Variants in IFNAR2 observed in about 807,000 individuals in gnomAD.
IFNAR2 encodes the protein interferon alpha and beta receptor subunit 2, also known as interferon alpha/beta receptor 2.
A neutral mutation model predicts 49.4 loss-of-function variants in IFNAR2; 30 were observed. That is an observed-to-expected ratio of 0.61 (90% CI 0.45 to 0.82). The LOEUF is 0.82. IFNAR2 is among the 40% of genes least tolerant of loss of function. IFNAR2 has a pLI of 0.00. For missense variants in IFNAR2, 600 were observed against 622.7 expected, an observed-to-expected ratio of 0.96 and a Z score of 0.39; for synonymous variants, 224 against 234.5, an observed-to-expected ratio of 0.96 and a Z score of 0.41.
In IFNAR2 at chr21:33,248,738, G is replaced by GT. The variant is rs749580071; in HGVS notation, c.426dup (p.Gly143TrpfsTer7). On this transcript the variant is annotated frameshift_variant, in exon 6 of 9. Transcript: ENST00000342136. LOFTEE classifies it high-confidence loss of function. ...TTTTGAACCACCAGAGTTTGAGATTGTTGGTTTTACCAACCACATTAATGT... is the reference window on the plus strand; with the variant it reads ...TTTTGAACCACCAGAGTTTGAGATTGTTTGGTTTTACCAACCACATTAATGT... The GT allele has an allele frequency of 6.2e-7, 1 of 1,609,710 alleles. No homozygotes were observed. The highest frequency in any genetic ancestry group is 8.5e-7 in the Non-Finnish European group (1 of 1,178,550).
In IFNAR2 at chr21:33,229,949, C is replaced by G; in HGVS notation, c.-351C>G. 1.0e-5 allele frequency: 10 copies of G among 983,842 alleles called. No individual in the cohort carries two copies. Among genetic ancestry groups the G allele is most frequent in the South Asian group, 4.7e-5 (1 of 21,450 alleles). 60.9% of individuals were successfully genotyped at this position (983,842 alleles called of 1,614,324 possible). A position where few individuals can be genotyped will look rare whatever the true frequency, so the allele number is the denominator to read the frequency against. Reference sequence around the variant, plus strand: ...GCGCCCGCGCTTCCGTATCGCTCCTCGTAGGCCGGGGCTCGGCGCGCGCAC... The same window carrying G: ...GCGCCCGCGCTTCCGTATCGCTCCTGGTAGGCCGGGGCTCGGCGCGCGCAC... On this transcript the variant is annotated 5_prime_UTR_variant, in exon 1 of 9. Coordinates refer to ENST00000342136, the MANE Select transcript of IFNAR2 (RefSeq NM_001289125.3).
rs776739210 is a variant in IFNAR2 at position 33,245,034 on chromosome 21, A to G, written c.181A>G (p.Ile61Val). Residue 61 changes from isoleucine (I) to valine (V), a missense_variant, in exon 4 of 9, where the codon ATT (isoleucine) becomes GTT (valine). Physicochemically the swap from Ile to Val is conservative, Grantham distance 29. Coordinates refer to ENST00000342136, the MANE Select transcript of IFNAR2 (RefSeq NM_001289125.3). ...ILSWELKNHS[I>V]VPTHYTLLYT... ...ATCATGGGAATTAAAAAACCACTCC[A>G]TTGTACCAACTCACTATACATTGCT... 4.3e-6 allele frequency: 7 copies of G among 1,611,162 alleles called. No homozygotes were observed. The highest frequency in any genetic ancestry group is 1.1e-5 in the South Asian group (1 of 91,028).
At chr21:33,254,349 C>A (rs2834166) in intron 7 of IFNAR2, among the ~76,000 whole-genome samples, 45,449 of 152,010 alleles carry the variant, frequency 0.3, 7,362 homozygotes, top group Non-Finnish European at 0.35. Context: ...AGCACTAATA[C>A]CAGCATGATG....
At chr21:33,240,251 T>G (rs536313148) in intron 1 of IFNAR2, among the ~76,000 whole-genome samples, 16 of 152,372 alleles carry the variant, frequency 1.1e-4, no homozygotes, top group African/African-American at 2.6e-4. Context: ...ACTGTACCTT[T>G]TCTGTGTCTA....
chr21:33,239,074 G>A (rs758391807), intron 1 of IFNAR2, among the ~76,000 whole-genome samples: 3 of 152,130 alleles, frequency 2.0e-5, no homozygotes, highest in African/African-American at 4.8e-5. Flanking sequence ...ATAGCCCCGC[G>A]GGTGGTCAGT....
intron 1 of IFNAR2, among the ~76,000 whole-genome samples, chr21:33,232,457 G>A (rs2069663773): frequency 6.6e-6 from 1 of 152,118 alleles, no homozygotes; most frequent in Non-Finnish European, 1.5e-5. Context: ...ACAGGAAAAC[G>A]AGTTACCCCA....
In IFNAR2 at chr21:33,230,001, G is replaced by A; in HGVS notation, c.-299G>A. On this transcript the variant is annotated 5_prime_UTR_variant, in exon 1 of 9. Coordinates refer to ENST00000342136, the MANE Select transcript of IFNAR2 (RefSeq NM_001289125.3). This position sits in a 1 kb window ranked among gnomAD's most constrained non-coding sequence, Gnocchi z 5.5. ...CGCACTAAAGACGCTTCTTCCCGGC[G>A]GGTAGGAATCCCGCCGGCGAGCCGA... 5 of 984,874 alleles carry A rather than the reference G, an allele frequency of 5.1e-6. No individual in the cohort carries two copies. The highest frequency in any genetic ancestry group is 4.8e-6 in the Non-Finnish European group (4 of 829,730). The allele number at this position is 984,874 out of a possible 1,614,324, so 61.0% of individuals were successfully genotyped here. A position where few individuals can be genotyped will look rare whatever the true frequency, so the allele number is the denominator to read the frequency against.
chr21:33,252,536 C>T (rs1261736533), intron 6 of IFNAR2, 126 bp from the exon 7 acceptor site: 14 of 1,448,500 alleles, frequency 9.7e-6, no homozygotes, highest in Admixed American at 2.9e-5. Flanking sequence ...CTTATAAATC[C>T]TTTTTCTTAC....
intron 7 of IFNAR2, among the ~76,000 whole-genome samples, chr21:33,258,646 A>T (rs1374897066): frequency 6.6e-6 from 1 of 152,148 alleles, no homozygotes; most frequent in Non-Finnish European, 1.5e-5. Flanking sequence ...AGTCACGCAA[A>T]CCTATCAGGG....
intron 3 of IFNAR2, among the ~76,000 whole-genome samples, chr21:33,244,246 C>G (rs1037737782): frequency 6.6e-6 from 1 of 152,194 alleles, no homozygotes; most frequent in Non-Finnish European, 1.5e-5. Flanking sequence ...CTTCAGTGAT[C>G]TTTAAAAATT....
intron 6 of IFNAR2, chr21:33,252,408 C>A (rs1987918726): frequency 1.1e-6 from 1 of 952,352 alleles, no homozygotes; most frequent in Non-Finnish European, 1.3e-6. Flanking sequence ...ACTTTTATCT[C>A]ATTTGTAAAA....
chr21:33,258,072 A>G (rs1988331246), intron 7 of IFNAR2, among the ~76,000 whole-genome samples: 1 of 152,156 alleles, frequency 6.6e-6, no homozygotes, highest in African/African-American at 2.4e-5. Flanking sequence ...TGGGGGGCCG[A>G]GCCAGGTGAA....
chr21:33,238,697 C>T (rs1601790727), intron 1 of IFNAR2, among the ~76,000 whole-genome samples: 1 of 149,146 alleles, frequency 6.7e-6, no homozygotes. Context: ...TTAAACAGCA[C>T]AAGCAACTCA....
chr21:33,229,940 A>C lies in IFNAR2; in HGVS notation c.-360A>C. On this transcript the variant is annotated 5_prime_UTR_variant, in exon 1 of 9. Transcript: ENST00000342136. ...GGCGGCGCGGCGCCCGCGCTTCCGT[A>C]TCGCTCCTCGTAGGCCGGGGCTCGG... 5 of 982,204 alleles carry C rather than the reference A, an allele frequency of 5.1e-6. No individual in the cohort carries two copies. The highest frequency in any genetic ancestry group is 6.0e-6 in the Non-Finnish European group (5 of 828,744). The allele number at this position is 982,204 out of a possible 1,614,324, so 60.8% of individuals were successfully genotyped here.
intron 6 of IFNAR2, among the ~76,000 whole-genome samples, chr21:33,251,217 A>T (rs751686653): frequency 2.0e-5 from 3 of 152,152 alleles, no homozygotes; most frequent in Non-Finnish European, 2.9e-5. Context: ...AAATCGACTG[A>T]GAAAGAGCAA....
At chr21:33,246,660 T>A in intron 4 of IFNAR2, 58 bp from the exon 5 acceptor site, 3 of 1,398,200 alleles carry the variant, frequency 2.1e-6, no homozygotes, top group Non-Finnish European at 3.0e-6. Flanking sequence ...CGCCCAAAAA[T>A]AGACTCTCAT....
At chr21:33,251,687 C>T (rs917247447) in intron 6 of IFNAR2, 1 of 984,892 alleles carries the variant, frequency 1.0e-6, no homozygotes, top group African/African-American at 1.7e-5. Flanking sequence ...ATTTTAAAAA[C>T]TGTAAAACAT....
intron 7 of IFNAR2, among the ~76,000 whole-genome samples, chr21:33,256,879 CG>C (rs1006295015): frequency 6.6e-5 from 10 of 151,946 alleles, no homozygotes; most frequent in Non-Finnish European, 1.3e-4. Context: ...AAAAATTATG[CG>C]GGAAAGGAGG....
At chr21:33,250,248 A>G (rs1186239167) in intron 6 of IFNAR2, among the ~76,000 whole-genome samples, 1 of 152,182 alleles carries the variant, frequency 6.6e-6, no homozygotes, top group Non-Finnish European at 1.5e-5. Flanking sequence ...GTGTCATTAA[A>G]TCTGTTTCAA....
Sources: allele counts gnomAD v4.1 joint callset (sites outside exome capture counted in the v4.1 genomes callset), GRCh38; gene constraint gnomAD v4.1.1; non-coding constraint Gnocchi (gnomAD v3.1); transcripts MANE v1.5; gene names NCBI Gene and HGNC (gene_info 2026-07-23, HGNC 2026-07-21).